The following CHKA variants were observed in gnomAD, a reference collection of about 807,000 sequenced individuals.
CHKA encodes the protein choline kinase alpha.
CHKA carries 34 observed loss-of-function variants against 60.1 expected under a neutral mutation model. That is an observed-to-expected ratio of 0.57 (90% confidence interval 0.43 to 0.75). The LOEUF (loss-of-function observed/expected upper bound fraction) is 0.75. Among genes scored for constraint, CHKA ranks in the 30% least tolerant of loss-of-function variants. The pLI, the probability that CHKA is intolerant of heterozygous loss-of-function variation, is 0.00. For missense variants in CHKA, 563 were observed against 561.3 expected (o/e 1.00, Z -0.03); for synonymous variants, 217 against 223.1 (o/e 0.97, Z 0.24).
intron 10 of CHKA, among the ~76,000 whole-genome samples, chr11:68,062,465 C>A (rs372638563): frequency 1.2e-4 from 19 of 152,354 alleles, no homozygotes; most frequent in Middle Eastern, 3.4e-3. Context: ...GAAGCTCTCA[C>A]TCCTTGAGCA....
intron 6 of CHKA, 51 bp from the exon 7 acceptor site, chr11:68,068,988 C>T (rs1275942917): frequency 2.1e-6 from 3 of 1,433,846 alleles, no homozygotes; most frequent in South Asian, 1.2e-5. Context: ...GTCAGCTGCA[C>T]ACAGTCTTGC....
Position 68,121,319 on chromosome 11 carries a change from G to GGCGGCGGCT in CHKA, c.-151_-143dup, listed in dbSNP as rs1167438959. On this transcript the variant is annotated 5_prime_UTR_variant, in exon 1 of 12. Transcript: ENST00000265689. ...GCGGCGGTTGGGCGCGCGGGGCGGC[G>GGCGGCGGCT]GCGGCGGCTGCGGCGACTGCGGCGA... 10 of 319,166 alleles carry GGCGGCGGCT rather than the reference G, an allele frequency of 3.1e-5. No homozygotes were observed. In the Admixed American group the frequency reaches 3.4e-4, roughly 11 times the overall value. The allele number at this position is 319,166 out of a possible 1,614,324, so 19.8% of individuals were successfully genotyped here.
chr11:68,110,585 G>A (rs1858094633), intron 1 of CHKA, among the ~76,000 whole-genome samples: 1 of 152,106 alleles, frequency 6.6e-6, no homozygotes, highest in African/African-American at 2.4e-5. Flanking sequence ...TTGAGTCATG[G>A]GTAGGAAGAC....
chr11:68,072,550 TAAAAAAAAAA>T (rs10708078), intron 4 of CHKA, among the ~76,000 whole-genome samples: 1 of 112,748 alleles, frequency 8.9e-6, no homozygotes, highest in Non-Finnish European at 1.8e-5. Flanking sequence ...GACCCTATCT[TAAAAAAAAAA>T]AAAAAAAAAA....
At chr11:68,095,115 G>A (rs1324647211) in intron 2 of CHKA, among the ~76,000 whole-genome samples, 1 of 151,872 alleles carries the variant, frequency 6.6e-6, no homozygotes, top group African/African-American at 2.4e-5. Context: ...GATTAAAATG[G>A]ATATCAGGGC....
chr11:68,054,069 G>A, intron 11 of CHKA, 22 bp from the exon 12 acceptor site: 1 of 1,605,428 alleles, frequency 6.2e-7, no homozygotes, highest in Non-Finnish European at 8.5e-7. Flanking sequence ...CAAAGAGAAG[G>A]CCTCAGCAAG....
chr11:68,075,653 A>G (rs982734761), intron 3 of CHKA, among the ~76,000 whole-genome samples: 29 of 152,118 alleles, frequency 1.9e-4, no homozygotes, highest in African/African-American at 5.8e-4. Flanking sequence ...AAGAGCTTTT[A>G]CAGGCCAGGC....
At chr11:68,056,867 G>C (rs1237724090) in intron 11 of CHKA, among the ~76,000 whole-genome samples, 1 of 152,140 alleles carries the variant, frequency 6.6e-6, no homozygotes, top group Admixed American at 6.5e-5. Context: ...TAATACACTG[G>C]TAAACTTACG....
intron 1 of CHKA, among the ~76,000 whole-genome samples, chr11:68,110,040 T>C (rs560617095): frequency 1.3e-5 from 2 of 152,254 alleles, no homozygotes; most frequent in South Asian, 4.1e-4. Context: ...TATCAATAGA[T>C]GGAGAAAAAC....
intron 2 of CHKA, among the ~76,000 whole-genome samples, chr11:68,084,814 C>T (rs1056862576): frequency 6.6e-6 from 1 of 151,982 alleles, no homozygotes; most frequent in African/African-American, 2.4e-5. Context: ...TGGAAGAAGA[C>T]TGGCTGTGAG....
At chr11:68,096,967 G>A (rs1472458278) in intron 2 of CHKA, 52 bp downstream of exon 2, 2 of 1,267,596 alleles carry the variant, frequency 1.6e-6, no homozygotes, top group African/African-American at 1.5e-5. Flanking sequence ...CAGCAAAGAG[G>A]ATTTAAAATG....
At chr11:68,092,095 T>C (rs895792616) in intron 2 of CHKA, among the ~76,000 whole-genome samples, 6 of 152,172 alleles carry the variant, frequency 3.9e-5, no homozygotes, top group South Asian at 2.1e-4. Context: ...AGTTATATTG[T>C]ATAAGTACAC....
At chr11:68,072,978 G>C (rs531212735) in intron 4 of CHKA, among the ~76,000 whole-genome samples, 3 of 152,318 alleles carry the variant, frequency 2.0e-5, no homozygotes, top group African/African-American at 7.2e-5. Flanking sequence ...CTGGGCAAGA[G>C]AGTGAGACTC....
intron 1 of CHKA, among the ~76,000 whole-genome samples, chr11:68,108,783 CAA>C (rs1565194020): frequency 6.6e-6 from 1 of 152,082 alleles, no homozygotes; most frequent in Non-Finnish European, 1.5e-5. Flanking sequence ...TGCTGCCTCC[CAA>C]ATTGGACAGA....
chr11:68,092,212 GATTT>G (rs1565186963), intron 2 of CHKA, among the ~76,000 whole-genome samples: 2 of 152,250 alleles, frequency 1.3e-5, no homozygotes, highest in South Asian at 2.1e-4. Context: ...ACCATGATGT[GATTT>G]ATTATTGGGG....
intron 2 of CHKA, among the ~76,000 whole-genome samples, chr11:68,083,586 T>C (rs1420703939): frequency 6.6e-6 from 1 of 152,174 alleles, no homozygotes; most frequent in African/African-American, 2.4e-5. Flanking sequence ...TCCCTTTCCC[T>C]TATCTAATGG....
At chr11:68,073,187 T>C (rs2134552758) in intron 4 of CHKA, among the ~76,000 whole-genome samples, 1 of 152,332 alleles carries the variant, frequency 6.6e-6, no homozygotes. Flanking sequence ...GAACTTTTAC[T>C]ACATGTGCAC....
rs1047805133 is a variant in CHKA, at chr11:68,121,214, G to A, written c.-37C>T. The A allele has an allele frequency of 3.5e-6, 4 of 1,143,008 alleles. No individual in the cohort carries two copies. The highest frequency in any genetic ancestry group is 3.4e-5 in the African/African-American group (2 of 59,660). 70.8% of individuals were successfully genotyped at this position (1,143,008 alleles called of 1,614,324 possible). On this transcript the variant is annotated 5_prime_UTR_variant, in exon 1 of 12. Coordinates refer to ENST00000265689, the MANE Select transcript of CHKA (RefSeq NM_001277.3). ...GGCCGAGGAGGCGCGGGCGGCCGCA[G>A]CGCGAGAGGACTAGGCTCAGAGTCC...
chr11:68,056,024 C>A (rs993054689), intron 11 of CHKA, among the ~76,000 whole-genome samples: 2 of 152,000 alleles, frequency 1.3e-5, no homozygotes, highest in African/African-American at 2.4e-5. Context: ...CTCCAGCCTG[C>A]GCAACAAGAG....
Sources: allele counts gnomAD v4.1 joint callset (sites outside exome capture counted in the v4.1 genomes callset), GRCh38; gene constraint gnomAD v4.1.1; transcripts MANE v1.5; gene names NCBI Gene and HGNC (gene_info 2026-07-23, HGNC 2026-07-21).